The following RBFOX3 variants were observed in gnomAD, a reference collection of about 807,000 sequenced individuals.
The protein encoded by RBFOX3 is RNA binding fox-1 homolog 3.
A neutral mutation model predicts 48.7 loss-of-function variants in RBFOX3; 17 were observed. That is an observed-to-expected ratio of 0.35 (90% CI 0.24 to 0.52). RBFOX3 has a LOEUF of 0.52. RBFOX3 is among the 20% of genes least tolerant of loss of function. RBFOX3 has a pLI of 0.94. For synonymous variants in RBFOX3, 212 were observed against 209.5 expected, an observed-to-expected ratio of 1.01 and a Z score of -0.10; for missense variants, 382 against 497.5, an observed-to-expected ratio of 0.77 and a Z score of 2.21.
chr17:79,571,951 C>T (rs2092694088), intron 1 of RBFOX3, among the ~76,000 whole-genome samples: 3 of 152,214 alleles, frequency 2.0e-5, no homozygotes, highest in Non-Finnish European at 4.4e-5. Context: ...GACCCCTCAC[C>T]TGCAGGACTT....
intron 2 of RBFOX3, among the ~76,000 whole-genome samples, chr17:79,317,374 G>T (rs186352326): frequency 6.6e-6 from 1 of 152,226 alleles, no homozygotes; most frequent in East Asian, 1.9e-4. Flanking sequence ...AGACCCACAC[G>T]GACCTCAGAA....
At chr17:79,457,157 C>T (rs1035708943) in intron 2 of RBFOX3, among the ~76,000 whole-genome samples, 2 of 152,222 alleles carry the variant, frequency 1.3e-5, no homozygotes, top group African/African-American at 2.4e-5. Flanking sequence ...TCCTGGTCCC[C>T]TGAGCAGAAG....
chr17:79,118,166 C>T (rs1353218408), intron 4 of RBFOX3, among the ~76,000 whole-genome samples: 1 of 152,104 alleles, frequency 6.6e-6, no homozygotes, highest in East Asian at 1.9e-4. Flanking sequence ...GCGACAGACT[C>T]GCTGACTGGG....
intron 2 of RBFOX3, among the ~76,000 whole-genome samples, chr17:79,328,224 G>A (rs1020158959): frequency 2.0e-5 from 3 of 152,208 alleles, no homozygotes; most frequent in African/African-American, 7.2e-5. Flanking sequence ...GCGTGAGGCT[G>A]GATTGGGGAG....
rs75173260 is a variant in RBFOX3 at position 79,309,399 on chromosome 17, G to A, written c.-174-1575C>T. ...CTGCCCCATCCCCTGCATGTGCCCC[G>A]CCCCCTCCTGCTGCTTCTCACACCT... On this transcript the variant is annotated intron_variant, in intron 2 of 14. Transcript: ENST00000693108. Among the ~76,000 whole-genome samples the A allele has an allele frequency of 4.3e-3, 567 of 132,412 alleles. 7 individuals carry two copies. The highest frequency in any genetic ancestry group is 0.018 in the East Asian group (80 of 4,396). The allele number at this position is 132,412 out of a possible 152,430, so 86.9% of individuals were successfully genotyped here.
chr17:79,592,742 A>G (rs2093459148), intron 1 of RBFOX3, among the ~76,000 whole-genome samples: 1 of 152,184 alleles, frequency 6.6e-6, no homozygotes, highest in African/African-American at 2.4e-5. Context: ...GGCCCAAGCC[A>G]AGGCTGTCGT....
intron 4 of RBFOX3, among the ~76,000 whole-genome samples, chr17:79,227,572 C>T (rs187669190): frequency 1.1e-3 from 163 of 152,360 alleles, no homozygotes; most frequent in Non-Finnish European, 1.6e-3. Flanking sequence ...CACAGGGCCC[C>T]GCTCATTCCC....
chr17:79,641,845 T>G, the RBFOX3 span, among the ~76,000 whole-genome samples: 1 of 152,162 alleles, frequency 6.6e-6, no homozygotes, highest in Non-Finnish European at 1.5e-5. Context: ...GAGACCTGGT[T>G]GTTTAAAAAT....
chr17:79,148,379 C>T (rs893114913), intron 4 of RBFOX3, among the ~76,000 whole-genome samples: 2 of 152,232 alleles, frequency 1.3e-5, no homozygotes, highest in Non-Finnish European at 2.9e-5. Flanking sequence ...CAAACATGCC[C>T]TGTGCCCCAC....
chr17:79,620,211 ACACACAGGGACATG>A, the RBFOX3 span, among the ~76,000 whole-genome samples: 1 of 149,014 alleles, frequency 6.7e-6, no homozygotes, highest in Non-Finnish European at 1.5e-5. Context: ...GTGCACATGC[ACACACAGGGACATG>A]CACACACGCA....
At chr17:79,330,616 C>T (rs1255995042) in intron 2 of RBFOX3, among the ~76,000 whole-genome samples, 1 of 152,188 alleles carries the variant, frequency 6.6e-6, no homozygotes, top group Non-Finnish European at 1.5e-5. Context: ...CTCCCCCAGG[C>T]CTCTCCCACA....
rs2076738240 is a variant in RBFOX3 at position 79,103,068 on chromosome 17, GGGTGCGGCAGT to G, written c.507+83_507+93del. ...GGGAACCCTGGCCAGGCTCTCTGAAGGGTGCGGCAGTGGCAGGGCTGGTTGGTTGGGGGAGC... is the reference window on the plus strand; with the variant it reads ...GGGAACCCTGGCCAGGCTCTCTGAAGGGCAGGGCTGGTTGGTTGGGGGAGC... On this transcript the variant is annotated intron_variant, in intron 8 of 14. Coordinates refer to ENST00000693108, the MANE Select transcript of RBFOX3 (RefSeq NM_001350451.2). The surrounding 1 kb of genome is among the most constrained non-coding windows in gnomAD (Gnocchi z 6.1). 1.1e-6 allele frequency: 1 copy of G among 927,606 alleles called. No individual in the cohort carries two copies. Among genetic ancestry groups the G allele is most frequent in the Non-Finnish European group, 1.7e-6 (1 of 590,324 alleles). The allele number at this position is 927,606 out of a possible 1,614,324, so 57.5% of individuals were successfully genotyped here. A position where few individuals can be genotyped will look rare whatever the true frequency, so the allele number is the denominator to read the frequency against.
At chr17:79,213,639 T>C (rs1363867790) in intron 4 of RBFOX3, among the ~76,000 whole-genome samples, 1 of 152,222 alleles carries the variant, frequency 6.6e-6, no homozygotes, top group Non-Finnish European at 1.5e-5. Flanking sequence ...CCATCTTGGA[T>C]GTCCTGAGCC....
chr17:79,190,742 C>T (rs750232257), intron 4 of RBFOX3, among the ~76,000 whole-genome samples: 2 of 152,164 alleles, frequency 1.3e-5, no homozygotes, highest in African/African-American at 2.4e-5. Context: ...CAAGGGGGAG[C>T]TTAGACCAGA....
intron 4 of RBFOX3, among the ~76,000 whole-genome samples, chr17:79,230,847 C>T (rs1319255600): frequency 6.6e-6 from 1 of 152,110 alleles, no homozygotes; most frequent in African/African-American, 2.4e-5. Context: ...TTCCAGCAGC[C>T]GGGCAGTTAC....
At chr17:79,132,268 G>A (rs1437902471) in intron 4 of RBFOX3, among the ~76,000 whole-genome samples, 5 of 151,136 alleles carry the variant, frequency 3.3e-5, no homozygotes, top group African/African-American at 4.9e-5. Context: ...AGACTGGGGT[G>A]GGGTGGGGTG....
At chr17:79,491,029 GAGGAGAGGGGAGGGGAGGAA>G in intron 1 of RBFOX3, among the ~76,000 whole-genome samples, 1 of 98,750 alleles carries the variant, frequency 1.0e-5, no homozygotes, top group African/African-American at 4.4e-5. Context: ...GTGAATCGGA[GAGGAGAGGGGAGGGGAGGAA>G]AGGAGAGGGG....
intron 1 of RBFOX3, among the ~76,000 whole-genome samples, chr17:79,574,496 G>A (rs1851091719): frequency 6.6e-6 from 1 of 152,198 alleles, no homozygotes; most frequent in Non-Finnish European, 1.5e-5. Flanking sequence ...CACCATGACA[G>A]TTTACAAATG....
chr17:79,626,980 G>C, the RBFOX3 span, among the ~76,000 whole-genome samples: 1 of 152,162 alleles, frequency 6.6e-6, no homozygotes, highest in East Asian at 1.9e-4. Context: ...ATTCAGCCTC[G>C]AGCCTCAGAA....
Sources: gnomAD v4.1 joint callset for allele counts (sites outside exome capture counted in the v4.1 genomes callset) on GRCh38, gnomAD v4.1.1 for gene constraint, Gnocchi (gnomAD v3.1) non-coding constraint, MANE v1.5 for transcripts, NCBI Gene and HGNC (gene_info 2026-07-23, HGNC 2026-07-21) for gene names.